The following WDPCP variants were observed in gnomAD, a reference collection of about 807,000 sequenced individuals.
The protein encoded by WDPCP is WD repeat-containing and planar cell polarity effector protein fritz homolog.
Under a neutral mutation model 93.1 loss-of-function variants are expected in WDPCP, and 71 were observed. That is an observed-to-expected ratio of 0.76 (90% CI 0.63 to 0.93). WDPCP has a LOEUF of 0.93. Ranked by LOEUF, WDPCP falls within the 40% of genes least tolerant of loss-of-function variation. The pLI, the probability that WDPCP is intolerant of heterozygous loss-of-function variation, is 0.00. For missense variants in WDPCP, 844 were observed against 887.4 expected (o/e 0.95, Z 0.62); for synonymous variants, 315 against 315.0 (o/e 1.00, Z 0.00).
intron 1 of WDPCP, among the ~76,000 whole-genome samples, chr2:63,543,310 T>C (rs936813126): frequency 6.6e-6 from 1 of 152,158 alleles, no homozygotes; most frequent in African/African-American, 2.4e-5. Context: ...CCTACTGAAG[T>C]ACTTAAATTG....
chr2:63,540,692 C>T (rs1207559272), intron 1 of WDPCP, among the ~76,000 whole-genome samples: 1 of 152,074 alleles, frequency 6.6e-6, no homozygotes, highest in African/African-American at 2.4e-5. Flanking sequence ...CTAATTAAAA[C>T]GATTAAATTC....
chr2:63,665,349 T>C (rs1432773321), intron 2 of WDPCP, among the ~76,000 whole-genome samples: 4 of 152,188 alleles, frequency 2.6e-5, no homozygotes, highest in Admixed American at 2.6e-4. Flanking sequence ...TGTAAATGCA[T>C]CGTCCCAATC....
chr2:63,409,576 C>T (rs924958281), intron 9 of WDPCP, among the ~76,000 whole-genome samples: 18 of 152,168 alleles, frequency 1.2e-4, no homozygotes, highest in Admixed American at 3.3e-4. Flanking sequence ...AAAAAGAATT[C>T]AGGAAGTTAG....
intron 1 of WDPCP, among the ~76,000 whole-genome samples, chr2:63,553,225 A>G (rs1021415665): frequency 6.6e-6 from 1 of 152,176 alleles, no homozygotes; most frequent in East Asian, 1.9e-4. Context: ...AGTAATGTGA[A>G]CTCTTCAACT....
intron 6 of WDPCP, among the ~76,000 whole-genome samples, chr2:63,455,242 A>AC (rs1364853706): frequency 6.6e-6 from 1 of 152,084 alleles, no homozygotes; most frequent in Non-Finnish European, 1.5e-5. Context: ...ATACAAAGCA[A>AC]CCTAAAGACA....
At chr2:63,712,619 C>T (rs1020459409) in intron 2 of WDPCP, among the ~76,000 whole-genome samples, 1 of 152,180 alleles carries the variant, frequency 6.6e-6, no homozygotes, top group Non-Finnish European at 1.5e-5. Flanking sequence ...CTGTCTGCCA[C>T]TACCAGTTAT....
At chr2:63,253,086 AAT>A (rs1363852452) in intron 14 of WDPCP, among the ~76,000 whole-genome samples, 6 of 152,264 alleles carry the variant, frequency 3.9e-5, no homozygotes, top group Admixed American at 2.6e-4. Context: ...AATGTAACAA[AAT>A]AGAGAACACT....
chr2:63,169,779 T>C (rs961776719), intron 15 of WDPCP, among the ~76,000 whole-genome samples: 2 of 152,188 alleles, frequency 1.3e-5, no homozygotes, highest in Admixed American at 1.3e-4. Context: ...TTTTCCGCCA[T>C]TTTCAATGTT....
intron 2 of WDPCP, among the ~76,000 whole-genome samples, chr2:63,789,893 G>A (rs1670521338): frequency 6.6e-6 from 1 of 152,194 alleles, no homozygotes; most frequent in African/African-American, 2.4e-5. Context: ...ATTTGGAAGT[G>A]ACTGAAGTCT....
At chr2:63,314,340 T>C (rs1355434047) in intron 12 of WDPCP, among the ~76,000 whole-genome samples, 3 of 152,074 alleles carry the variant, frequency 2.0e-5, no homozygotes, top group Non-Finnish European at 4.4e-5. Flanking sequence ...GCTAATTTTT[T>C]GTATTTTTTG....
At chr2:63,644,262 T>TG (rs60471872) in intron 3 of WDPCP, among the ~76,000 whole-genome samples, 1 of 149,796 alleles carries the variant, frequency 6.7e-6, no homozygotes, top group Non-Finnish European at 1.5e-5. Context: ...TTTTTTTTTT[T>TG]GAGACAGAGT....
At chr2:63,278,612 G>A (rs1340895097) in intron 13 of WDPCP, among the ~76,000 whole-genome samples, 1 of 152,134 alleles carries the variant, frequency 6.6e-6, no homozygotes, top group African/African-American at 2.4e-5. Context: ...CAGATCATGA[G>A]GTCAGGAGAT....
intron 6 of WDPCP, among the ~76,000 whole-genome samples, chr2:63,466,213 T>C (rs1333621051): frequency 1.3e-5 from 2 of 152,166 alleles, no homozygotes; most frequent in Non-Finnish European, 2.9e-5. Context: ...ACATTTTATA[T>C]ACAATACTAT....
intron 14 of WDPCP, among the ~76,000 whole-genome samples, chr2:63,247,569 A>G (rs1680381605): frequency 6.6e-6 from 1 of 151,822 alleles, no homozygotes; most frequent in Non-Finnish European, 1.5e-5. Context: ...TATCAAAAAT[A>G]TTATATAAAA....
At chr2:63,806,046 G>A (rs949879657) in intron 2 of WDPCP, among the ~76,000 whole-genome samples, 8 of 152,260 alleles carry the variant, frequency 5.3e-5, no homozygotes, top group South Asian at 4.2e-4. Flanking sequence ...CCCAGGAGGC[G>A]TAGGTTGCAG....
chr2:63,421,763 T>G (rs972465734), intron 9 of WDPCP, among the ~76,000 whole-genome samples: 2 of 152,022 alleles, frequency 1.3e-5, no homozygotes, highest in African/African-American at 4.8e-5. Flanking sequence ...GACAACTAGA[T>G]GAAGATTAAA....
intron 13 of WDPCP, among the ~76,000 whole-genome samples, chr2:63,272,970 A>T (rs1682775079): frequency 6.6e-6 from 1 of 152,210 alleles, no homozygotes; most frequent in Non-Finnish European, 1.5e-5. Context: ...TAAGAGTCAA[A>T]GAAAGACAGA....
At chr2:63,734,187 T>C (rs1341045246) in intron 2 of WDPCP, among the ~76,000 whole-genome samples, 1 of 152,196 alleles carries the variant, frequency 6.6e-6, no homozygotes, top group Admixed American at 6.5e-5. Flanking sequence ...CTTTAATTTT[T>C]TTCTAGTGTG....
intron 13 of WDPCP, among the ~76,000 whole-genome samples, chr2:63,306,066 A>G (rs1685715370): frequency 1.3e-5 from 2 of 152,330 alleles, no homozygotes; most frequent in South Asian, 4.2e-4. Flanking sequence ...GGATACCACC[A>G]ATGATCACAG....
Sources: allele counts gnomAD v4.1 joint callset (sites outside exome capture counted in the v4.1 genomes callset), GRCh38; gene constraint gnomAD v4.1.1; transcripts MANE v1.5; gene names NCBI Gene and HGNC (gene_info 2026-07-23, HGNC 2026-07-21).